Variants in DIDO1 observed in about 807,000 individuals in gnomAD.
DIDO1 encodes death-inducer obliterator 1.
DIDO1 carries 16 observed loss-of-function variants against 99.4 expected under a neutral mutation model. That is an observed-to-expected ratio of 0.16 (90% confidence interval 0.11 to 0.24). The LOEUF (loss-of-function observed/expected upper bound fraction) is 0.24. Ranked by LOEUF, DIDO1 falls within the 10% of genes least tolerant of loss-of-function variation. The pLI is 1.00. For missense variants in DIDO1, 2,996 were observed against 3,014.0 expected (o/e 0.99, Z 0.14); for synonymous variants, 1,366 against 1,239.1 (o/e 1.10, Z -2.15).
rs189086060 is a variant in DIDO1, at chr20:62,917,823, C to A, written c.-199-3417G>T. Among the ~76,000 whole-genome samples the A allele has an allele frequency of 4.3e-3, 653 of 152,318 alleles. 10 individuals are homozygous for A. Among genetic ancestry groups the A allele is most frequent in the South Asian group, 6.6e-3 (32 of 4,830 alleles). ...GAGGGCTCCAATCTGCCCTGTGCCACCGATGCAAATGTCAAACTCACCAGA... is the reference window on the plus strand; with the variant it reads ...GAGGGCTCCAATCTGCCCTGTGCCAACGATGCAAATGTCAAACTCACCAGA... On this transcript the variant is annotated intron_variant, in intron 1 of 15. Transcript: ENST00000395343.
rs1399037046 is a variant in DIDO1 at position 62,888,265 on chromosome 20, A to T, written c.3541+2695T>A. Reference sequence around the variant, plus strand: ...AATTGTGTGGTATAAACTGAGGCACATGGACGAGTCAGTCACTCTTTTCTG... The same window carrying T: ...AATTGTGTGGTATAAACTGAGGCACTTGGACGAGTCAGTCACTCTTTTCTG... On this transcript the variant is annotated intron_variant, in intron 15 of 15. Transcript: ENST00000395343. The T allele has an allele frequency of 4.1e-6, 4 of 985,396 alleles. No homozygotes were observed. The African/African-American group carries it at 7.0e-5, about 17-fold the overall frequency. 61.0% of individuals were successfully genotyped at this position (985,396 alleles called of 1,614,324 possible).
At chr20:62,897,420 C>T (rs576360489) in intron 6 of DIDO1, among the ~76,000 whole-genome samples, 123 of 152,312 alleles carry the variant, frequency 8.1e-4, no homozygotes, top group Non-Finnish European at 1.1e-3. Context: ...CGTTTAGAAG[C>T]GTAAAACAGG....
At position 62,879,441 on chromosome 20, in the gene DIDO1, C is replaced by T. The variant is rs751530203; in HGVS notation, c.6515G>A (p.Ser2172Asn). The change falls in exon 16 of 16, where the codon AGC becomes AAC. Residue 2172 changes from serine to asparagine, a missense_variant. Coordinates refer to ENST00000395343, the MANE Select transcript of DIDO1 (RefSeq NM_001193369.2). The surrounding 1 kb of genome is among the most constrained non-coding windows in gnomAD (Gnocchi z 6.3). ...CTCTCGGTTCCTGCTCCGCTCCCGG[C>T]TGCGGTCCCACTCCTTGCCCCGGTC... ...EADRGKEWDR[S>N]RERSRNRERE... is the part of the protein sequence containing the mutation. 8 of 1,551,902 alleles carry T rather than the reference C, an allele frequency of 5.2e-6. No homozygotes were observed. The South Asian group carries it at 8.1e-5, about 16-fold the overall frequency.
chr20:62,888,521 C>G (rs909150761), intron 15 of DIDO1: 1 of 985,560 alleles, frequency 1.0e-6, no homozygotes, highest in East Asian at 1.1e-4. Flanking sequence ...ACACGCTCAC[C>G]CCTGACCACA....
At chr20:62,893,023 G>A in intron 12 of DIDO1, 61 bp from the exon 13 acceptor site, 2 of 1,504,452 alleles carry the variant, frequency 1.3e-6, no homozygotes, top group Admixed American at 2.1e-5. Context: ...AATTTCAAAA[G>A]TAGAAAGCCT....
At chr20:62,924,735 G>A (rs563293555) in intron 1 of DIDO1, among the ~76,000 whole-genome samples, 39 of 152,272 alleles carry the variant, frequency 2.6e-4, no homozygotes, top group African/African-American at 9.4e-4. Flanking sequence ...CATGGGCTGG[G>A]CTGTCTGGTA....
In DIDO1 at chr20:62,935,358, G is replaced by A. The variant is rs535917005; in HGVS notation, c.-200+2438C>T. ...TAAATATTTATGGAGCTCCTATTAC[G>A]ATTTAGCCATAATCAACTCACATGA... On this transcript the variant is annotated intron_variant, in intron 1 of 15. Coordinates refer to the DIDO1 transcript ENST00000266070. Among the ~76,000 whole-genome samples the A allele has an allele frequency of 3.3e-5, 5 of 152,148 alleles. No individual in the cohort carries two copies. In the East Asian group the frequency reaches 5.8e-4, roughly 18 times the overall value.
Position 62,880,259 on chromosome 20 carries a change from C to T in DIDO1, c.5697G>A (p.Gln1899=), listed in dbSNP as rs1279069447. 3 of 1,612,564 alleles carry T rather than the reference C, an allele frequency of 1.9e-6. No homozygotes were observed. The highest frequency in any genetic ancestry group is 2.7e-5 in the African/African-American group (2 of 74,952). ...FGGQRRPLLS[Q]LKGPRGGPPP... is the part of the protein sequence containing the mutation. ...GGGGGCCGCCTCGGGGGCCTTTCAG[C>T]TGAGACAGCAGTGGCCTTCTCTGGC... The change falls in exon 16 of 16, where the codon CAG becomes CAA. Residue 1899 remains glutamine (Q), a synonymous_variant. Coordinates refer to ENST00000395343, the MANE Select transcript of DIDO1 (RefSeq NM_001193369.2).
chr20:62,922,243 TACAC>T (rs368867407), intron 1 of DIDO1, among the ~76,000 whole-genome samples: 1 of 114,300 alleles, frequency 8.7e-6, no homozygotes, highest in Admixed American at 9.8e-5. Flanking sequence ...TATATATATA[TACAC>T]ACACACACAT....
At chr20:62,924,506 C>A (rs577292063) in intron 1 of DIDO1, among the ~76,000 whole-genome samples, 1 of 152,322 alleles carries the variant, frequency 6.6e-6, no homozygotes, top group East Asian at 1.9e-4. Context: ...CTACTGGGCT[C>A]CACAGAACTG....
intron 5 of DIDO1, among the ~76,000 whole-genome samples, chr20:62,906,341 G>A (rs2064804847): frequency 2.6e-5 from 4 of 152,192 alleles, no homozygotes; most frequent in South Asian, 2.1e-4. Flanking sequence ...CGTGAAGGGC[G>A]GCTGGCACAG....
In DIDO1 at chr20:62,895,115, C is replaced by G. The variant is rs1351687124; in HGVS notation, c.2265G>C (p.Val755=). 2.5e-6 allele frequency: 4 copies of G among 1,612,110 alleles called. No individual in the cohort carries two copies. Among genetic ancestry groups the G allele is most frequent in the Non-Finnish European group, 3.4e-6 (4 of 1,178,388 alleles). Residue 755 remains valine, a synonymous_variant, in exon 9 of 16, where the codon GTG becomes GTC. Transcript: ENST00000395343. The part of the protein sequence containing the change: ...LREEISLAKL[V]RLKPEELVSK... ...ATACAAGTTCTTCTGGCTTCAGTCT[C>G]ACAAGTTTCGCCAAAGAGATTTCCT...
intron 1 of DIDO1, among the ~76,000 whole-genome samples, chr20:62,926,117 G>A (rs982755226): frequency 1.3e-5 from 2 of 151,910 alleles, no homozygotes; most frequent in African/African-American, 2.4e-5. Context: ...GCGAGCGGCC[G>A]CCCCGACTCC....
At chr20:62,933,095 CCA>C (rs762562994) in intron 1 of DIDO1, among the ~76,000 whole-genome samples, 2 of 152,182 alleles carry the variant, frequency 1.3e-5, no homozygotes, top group Non-Finnish European at 2.9e-5. Context: ...GTCTGTAATC[CCA>C]GTTACTCAGG....
In DIDO1 at chr20:62,879,676, C is replaced by T; in HGVS notation, c.6280G>A (p.Gly2094Arg). The change falls in exon 16 of 16, where the codon GGG (glycine) becomes AGG (arginine). Residue 2094 changes from glycine (G) to arginine (R), a missense_variant. Transcript: ENST00000395343. The surrounding 1 kb of genome is among the most constrained non-coding windows in gnomAD (Gnocchi z 6.3). The stretch of plus-strand genomic sequence containing the variant: ...TCCTCCAGCGGCTTCTCTTTGGGCC[C>T]CACGTCAAACCGCTCTCTCTGCCTC... Reference protein sequence around the residue: ...EGRQRERFDVGPKEKPLEEPD... With the variant: ...EGRQRERFDVRPKEKPLEEPD... 1 of 1,609,746 alleles carries T rather than the reference C, an allele frequency of 6.2e-7. No homozygotes were observed. Among genetic ancestry groups the T allele is most frequent in the Non-Finnish European group, 8.5e-7 (1 of 1,179,814 alleles).
chr20:62,930,604 G>A (rs530505819), upstream of DIDO1, among the ~76,000 whole-genome samples: 70 of 152,328 alleles, frequency 4.6e-4, 1 homozygote, highest in South Asian at 2.7e-3. Context: ...TAGGAAAAAG[G>A]GAGGGAAATG....
intron 6 of DIDO1, among the ~76,000 whole-genome samples, chr20:62,897,849 G>A (rs2064572269): frequency 6.6e-6 from 1 of 152,218 alleles, no homozygotes. Flanking sequence ...GACAGGGCTC[G>A]TTGAGGTGCA....
chr20:62,935,843 C>T (rs376995544), intron 1 of DIDO1, among the ~76,000 whole-genome samples: 38 of 152,306 alleles, frequency 2.5e-4, no homozygotes, highest in African/African-American at 7.7e-4. Flanking sequence ...ACAGGAGTTA[C>T]GGAGACATCC....
chr20:62,897,468 T>A (rs1194296282), intron 6 of DIDO1, among the ~76,000 whole-genome samples: 1 of 152,222 alleles, frequency 6.6e-6, no homozygotes, highest in Non-Finnish European at 1.5e-5. Flanking sequence ...CACATCTCAC[T>A]TCGTTGTCCT....
Sources: gnomAD v4.1 joint callset for allele counts (sites outside exome capture counted in the v4.1 genomes callset) on GRCh38, gnomAD v4.1.1 for gene constraint, Gnocchi (gnomAD v3.1) non-coding constraint, MANE v1.5 for transcripts, NCBI Gene and HGNC (gene_info 2026-07-23, HGNC 2026-07-21) for gene names.